The following ANKRD17 variants were observed in gnomAD, a reference collection of about 807,000 sequenced individuals.
ANKRD17 encodes ankyrin repeat domain-containing protein 17.
ANKRD17 carries 19 observed loss-of-function variants against 229.7 expected under a neutral mutation model. The ratio of observed to expected loss-of-function variants is 0.08; its 90% CI spans 0.06 to 0.12. ANKRD17 has a LOEUF of 0.12. Among genes scored for constraint, ANKRD17 ranks in the 10% least tolerant of loss-of-function variants. The pLI is 1.00. For synonymous variants in ANKRD17, 1,112 were observed against 1,146.1 expected, an observed-to-expected ratio of 0.97 and a Z score of 0.60; for missense variants, 2,176 against 3,176.8, an observed-to-expected ratio of 0.68 and a Z score of 7.57.
At chr4:73,204,009 T>C (rs372930161) in intron 1 of ANKRD17, among the ~76,000 whole-genome samples, 1 of 152,096 alleles carries the variant, frequency 6.6e-6, no homozygotes. Context: ...GCTGACTTCT[T>C]ATTCAAAAGA....
chr4:73,188,833 G>A (rs1233996308), intron 1 of ANKRD17, among the ~76,000 whole-genome samples: 1 of 152,074 alleles, frequency 6.6e-6, no homozygotes, highest in East Asian at 1.9e-4. Context: ...GAATGATTAT[G>A]AAAAATGAGA....
chr4:73,176,755 G>A (rs1734784456), intron 2 of ANKRD17, among the ~76,000 whole-genome samples: 1 of 152,178 alleles, frequency 6.6e-6, no homozygotes, highest in Non-Finnish European at 1.5e-5. Context: ...TGCTTTAGGT[G>A]ATGGATAGCC....
intron 1 of ANKRD17, among the ~76,000 whole-genome samples, chr4:73,183,305 G>T (rs1220363395): frequency 6.6e-6 from 1 of 152,156 alleles, no homozygotes; most frequent in African/African-American, 2.4e-5. Flanking sequence ...GGTTATGTAA[G>T]AAAATATCCT....
intron 1 of ANKRD17, among the ~76,000 whole-genome samples, chr4:73,208,711 C>A (rs777625065): frequency 6.6e-6 from 1 of 152,114 alleles, no homozygotes; most frequent in Non-Finnish European, 1.5e-5. Context: ...ACATTTAGAA[C>A]TAAATGCTAA....
At chr4:73,170,443 C>T (rs1014763529) in intron 2 of ANKRD17, among the ~76,000 whole-genome samples, 3 of 150,452 alleles carry the variant, frequency 2.0e-5, no homozygotes, top group Non-Finnish European at 4.4e-5. Context: ...AGTATGCCAC[C>T]TGCCTTGGTT....
intron 18 of ANKRD17, among the ~76,000 whole-genome samples, chr4:73,124,675 C>A (rs540053287): frequency 1.3e-5 from 2 of 152,230 alleles, no homozygotes; most frequent in East Asian, 3.9e-4. Context: ...TTTCTCCTAC[C>A]GTAAATGCAT....
At chr4:73,171,181 GA>G (rs1733961702) in intron 2 of ANKRD17, among the ~76,000 whole-genome samples, 15 of 46,948 alleles carry the variant, frequency 3.2e-4, no homozygotes, top group South Asian at 2.7e-3. Context: ...AGAGGGGGGA[GA>G]GAGAGAGAGA....
rs376837787 is a variant in ANKRD17, at chr4:73,100,731, G to A, written c.4573+1645C>T. 7.0e-5 allele frequency: 39 copies of A among 557,624 alleles called. No individual in the cohort carries two copies. The South Asian group carries it at 2.5e-3, about 36-fold the overall frequency. The allele number at this position is 557,624 out of a possible 1,614,324, so 34.5% of individuals were successfully genotyped here. On this transcript the variant is annotated intron_variant, in intron 25 of 33. Transcript: ENST00000358602. The stretch of plus-strand genomic sequence containing the variant: ...ATGTGTGCCAAAATGTTTTAAAAAT[G>A]TAGGTGACATAGAGGTATTTACCAT...
intron 3 of ANKRD17, among the ~76,000 whole-genome samples, chr4:73,157,828 G>T (rs532945909): frequency 6.6e-6 from 1 of 152,258 alleles, no homozygotes; most frequent in African/African-American, 2.4e-5. Context: ...AGTGGCTCAC[G>T]CCTGTAATCC....
At chr4:73,099,145 A>G in intron 25 of ANKRD17, 1 of 697,090 alleles carries the variant, frequency 1.4e-6, no homozygotes. Flanking sequence ...AGGAGCAGTG[A>G]CCGTGTGTGC....
At chr4:73,218,192 T>C (rs1328499212) in intron 1 of ANKRD17, among the ~76,000 whole-genome samples, 1 of 152,046 alleles carries the variant, frequency 6.6e-6, no homozygotes, top group Non-Finnish European at 1.5e-5. Flanking sequence ...TAAAGAAAAA[T>C]ATCTGCTTAC....
intron 2 of ANKRD17, among the ~76,000 whole-genome samples, chr4:73,162,929 G>C (rs1732726932): frequency 6.6e-6 from 1 of 151,798 alleles, no homozygotes; most frequent in Non-Finnish European, 1.5e-5. Flanking sequence ...GCATGATCAT[G>C]GTTCACTGCA....
intron 24 of ANKRD17, chr4:73,113,087 C>A: frequency 8.5e-7 from 1 of 1,182,186 alleles, no homozygotes; most frequent in South Asian, 1.6e-5. Context: ...TGCGCCCAGC[C>A]ACTGACCTTT....
chr4:73,120,541 C>T (rs369072474), intron 20 of ANKRD17, among the ~76,000 whole-genome samples: 3 of 118,046 alleles, frequency 2.5e-5, no homozygotes, highest in Non-Finnish European at 5.2e-5. Flanking sequence ...AACGGTATTG[C>T]AAAAAAAAAA....
chr4:73,243,607 T>C (rs1313434262), intron 1 of ANKRD17, among the ~76,000 whole-genome samples: 1 of 152,224 alleles, frequency 6.6e-6, no homozygotes, highest in Non-Finnish European at 1.5e-5. Flanking sequence ...GGAATGACTT[T>C]CATTCTTGTT....
chr4:73,195,601 C>A (rs538856572), intron 1 of ANKRD17, among the ~76,000 whole-genome samples: 31 of 152,098 alleles, frequency 2.0e-4, no homozygotes, highest in Admixed American at 5.2e-4. Context: ...CTCTGCCTCC[C>A]GGGTTCAAGC....
Position 73,258,596 on chromosome 4 carries a change from C to G in ANKRD17, c.73G>C (p.Ala25Pro). 1 of 1,473,158 alleles carries G rather than the reference C, an allele frequency of 6.8e-7. No individual in the cohort carries two copies. Among genetic ancestry groups the G allele is most frequent in the Non-Finnish European group, 8.9e-7 (1 of 1,122,936 alleles). 91.3% of individuals were successfully genotyped at this position (1,473,158 alleles called of 1,614,324 possible). Residue 25 changes from alanine to proline, a missense_variant, in exon 1 of 34, where the codon GCT becomes CCT. Transcript: ENST00000358602. ...EGEGSPPAVA[A>P]VAGPPAAAEV... ...GCCGCCGCGGGGGGGCCCGCCACAG[C>G]CGCCACCGCCGGGGGGCTCCCTTCT...
intron 15 of ANKRD17, 133 bp from the exon 16 acceptor site, chr4:73,135,398 T>C (rs1264340852): frequency 2.7e-6 from 2 of 739,648 alleles, no homozygotes; most frequent in Non-Finnish European, 4.0e-6. Flanking sequence ...CACTAATAAC[T>C]AATTTTCCTG....
intron 16 of ANKRD17, among the ~76,000 whole-genome samples, chr4:73,126,033 C>T (rs1477160100): frequency 3.3e-5 from 5 of 152,028 alleles, no homozygotes; most frequent in African/African-American, 1.2e-4. Flanking sequence ...AATGATTAGC[C>T]CAACTTACTG....
Sources: gnomAD v4.1 joint callset for allele counts (sites outside exome capture counted in the v4.1 genomes callset) on GRCh38, gnomAD v4.1.1 for gene constraint, MANE v1.5 for transcripts, NCBI Gene and HGNC (gene_info 2026-07-23, HGNC 2026-07-21) for gene names.